CCDC7: variants seen among roughly 807,000 people sequenced by gnomAD.
CCDC7 encodes the protein coiled-coil domain containing 7, also known as coiled-coil domain-containing protein 7.
CCDC7 carries 183 observed loss-of-function variants against 196.9 expected under a neutral mutation model. The observed-to-expected ratio is 0.93, with a 90% CI of 0.82 to 1.05. The LOEUF is 1.05. Among genes scored for constraint, CCDC7 ranks in the 50% least tolerant of loss-of-function variants. CCDC7 has a pLI of 0.00. For missense variants in CCDC7, 1,540 were observed against 1,482.2 expected, an observed-to-expected ratio of 1.04 and a Z score of -0.64; for synonymous variants, 525 against 484.6, an observed-to-expected ratio of 1.08 and a Z score of -1.10.
At chr10:32,695,061 T>C (rs1176920108) in intron 24 of CCDC7, 69 bp downstream of exon 25, 1 of 792,122 alleles carries the variant, frequency 1.3e-6, no homozygotes, top group African/African-American at 1.7e-5. Flanking sequence ...TTTCTTTGGT[T>C]CATGACTATG....
chr10:32,712,507 G>T (rs2080995945), intron 25 of CCDC7, among the ~76,000 whole-genome samples: 1 of 152,112 alleles, frequency 6.6e-6, no homozygotes, highest in Non-Finnish European at 1.5e-5. Flanking sequence ...TAGTGTCCTT[G>T]TCTGAGCTCA....
intron 30 of CCDC7, among the ~76,000 whole-genome samples, chr10:32,807,410 G>A (rs1450127634): frequency 6.6e-6 from 1 of 152,112 alleles, no homozygotes; most frequent in South Asian, 2.1e-4. Context: ...AATGACAAGA[G>A]AGGGGGCTCC....
intron 22 of CCDC7, among the ~76,000 whole-genome samples, chr10:32,688,356 A>G (rs1007526649): frequency 9.2e-5 from 14 of 152,158 alleles, no homozygotes; most frequent in Non-Finnish European, 2.1e-4. Flanking sequence ...AGAGTTAACA[A>G]TAGTTATTGG....
intron 21 of CCDC7, among the ~76,000 whole-genome samples, chr10:32,672,782 C>T (rs1450141368): frequency 1.3e-5 from 2 of 152,142 alleles, no homozygotes; most frequent in Non-Finnish European, 2.9e-5. Context: ...ATCCTTTCTA[C>T]TTGGACATTG....
chr10:32,873,711 GAT>G (rs2094508516), intron 41 of CCDC7, among the ~76,000 whole-genome samples: 2 of 151,796 alleles, frequency 1.3e-5, no homozygotes, highest in African/African-American at 4.8e-5. Context: ...TCTTTTTGTG[GAT>G]ATATATTTTC....
intron 18 of CCDC7, among the ~76,000 whole-genome samples, chr10:32,628,173 T>G (rs906339645): frequency 1.3e-5 from 2 of 152,042 alleles, no homozygotes; most frequent in South Asian, 2.1e-4. Context: ...GAGTTTTTCT[T>G]ACTGACTTAA....
chr10:32,869,395 C>T (rs1377055490), intron 41 of CCDC7, among the ~76,000 whole-genome samples: 1 of 152,070 alleles, frequency 6.6e-6, no homozygotes, highest in Non-Finnish European at 1.5e-5. Context: ...TCATATCCTT[C>T]ACCCACTTTT....
chr10:32,639,903 C>G (rs930376818), intron 20 of CCDC7, among the ~76,000 whole-genome samples: 1 of 152,182 alleles, frequency 6.6e-6, no homozygotes, highest in African/African-American at 2.4e-5. Context: ...AAGCGTGAGC[C>G]ACTGCACCCG....
chr10:32,553,947 G>A (rs1015932016), intron 13 of CCDC7, among the ~76,000 whole-genome samples: 1 of 152,166 alleles, frequency 6.6e-6, no homozygotes, highest in African/African-American at 2.4e-5. Context: ...TAAGGTGGGG[G>A]CAGGGCTAGG....
chr10:32,715,999 A>G (rs1329281906), intron 25 of CCDC7, among the ~76,000 whole-genome samples: 3 of 152,210 alleles, frequency 2.0e-5, no homozygotes, highest in African/African-American at 7.2e-5. Flanking sequence ...ATCCAGGAGA[A>G]CTTCCCCAAA....
At chr10:32,851,214 A>C (rs1329797477) in intron 39 of CCDC7, among the ~76,000 whole-genome samples, 1 of 152,114 alleles carries the variant, frequency 6.6e-6, no homozygotes, top group Non-Finnish European at 1.5e-5. Context: ...TAATGCTATA[A>C]ACTTTCCTCT....
intron 18 of CCDC7, among the ~76,000 whole-genome samples, chr10:32,592,541 A>T (rs2990967): frequency 6.6e-6 from 1 of 152,130 alleles, no homozygotes; most frequent in African/African-American, 2.4e-5. Context: ...GTTTTCATTT[A>T]TCTCAAGATA....
intron 31 of CCDC7, among the ~76,000 whole-genome samples, chr10:32,815,842 A>G (rs190145629): frequency 6.6e-6 from 1 of 152,342 alleles, no homozygotes; most frequent in Non-Finnish European, 1.5e-5. Flanking sequence ...GTGGTGTTGT[A>G]TATTAAAAGT....
At chr10:32,821,486 C>T (rs533185344) in intron 31 of CCDC7, among the ~76,000 whole-genome samples, 11 of 152,306 alleles carry the variant, frequency 7.2e-5, no homozygotes, top group African/African-American at 2.2e-4. Context: ...GATTATAAAA[C>T]ATGCTGCTAT....
chr10:32,861,758 G>T (rs9418032), intron 41 of CCDC7, among the ~76,000 whole-genome samples: 139,340 of 152,214 alleles, frequency 0.92, 64,979 homozygotes, highest in East Asian at 1. Context: ...AGGCAAAGGA[G>T]ATGAACAGAC....
intron 1 of CCDC7, among the ~76,000 whole-genome samples, chr10:32,452,519 A>G (rs2505413): frequency 0.92 from 140,833 of 152,282 alleles, 66,071 homozygotes; most frequent in East Asian, 1. Context: ...GTGCCGTGGC[A>G]TGATCTTGGC....
At chr10:32,445,670 G>A (rs1166858322), upstream of CCDC7, among the ~76,000 whole-genome samples, 1 of 152,228 alleles carries the variant, frequency 6.6e-6, no homozygotes, top group Non-Finnish European at 1.5e-5. Flanking sequence ...AACCACTTAA[G>A]TGTCACAACT....
At chr10:32,619,602 C>G (rs2063155745) in intron 18 of CCDC7, among the ~76,000 whole-genome samples, 1 of 151,968 alleles carries the variant, frequency 6.6e-6, no homozygotes, top group Non-Finnish European at 1.5e-5. Flanking sequence ...CAATCTTATA[C>G]TTGAATAATT....
intron 20 of CCDC7, among the ~76,000 whole-genome samples, chr10:32,651,859 A>T (rs1189218623): frequency 6.6e-6 from 1 of 152,218 alleles, no homozygotes; most frequent in African/African-American, 2.4e-5. Context: ...GACATTAGCC[A>T]TTAGGCTGAT....
Sources: allele counts gnomAD v4.1 joint callset (sites outside exome capture counted in the v4.1 genomes callset), GRCh38; gene constraint gnomAD v4.1.1; transcripts MANE v1.5; gene names NCBI Gene and HGNC (gene_info 2026-07-23, HGNC 2026-07-21).